TSGA10: variants seen among roughly 807,000 people sequenced by gnomAD.
TSGA10 encodes testis specific 10, also known as testis-specific gene 10 protein.
In TSGA10, 43 loss-of-function variants were observed where a neutral mutation model predicts 96.6. That is an observed-to-expected ratio of 0.44 (90% CI 0.35 to 0.57). TSGA10 has a LOEUF of 0.57. Among genes scored for constraint, TSGA10 ranks in the 20% least tolerant of loss-of-function variants. The probability of loss-of-function intolerance (pLI) is 0.01; values close to 1 mark genes in which losing one functional copy is unlikely to be tolerated. For synonymous variants in TSGA10, 229 were observed against 269.9 expected (o/e 0.85, Z 1.48); for missense variants, 703 against 834.4 (o/e 0.84, Z 1.94).
In TSGA10 at chr2:99,109,441, T is replaced by C; in HGVS notation, c.-2A>G. ...ACTTTTAGACCTACTTCGCATCATC[T>C]TTCTCAAATGTTGAGCTTCACTCTT... is the stretch of plus-strand genomic sequence containing the variant. On this transcript the variant is annotated 5_prime_UTR_variant, in exon 6 of 21. Transcript: ENST00000393483. The C allele has an allele frequency of 6.2e-7, 1 of 1,613,954 alleles. No homozygotes were observed. The highest frequency in any genetic ancestry group is 1.3e-5 in the African/African-American group (1 of 75,062).
rs2092347813 is a variant in TSGA10, at chr2:99,117,613, T to C, written c.-209A>G. ...TTTTCTCTTTTTCGAGTTGCTCTGC[T>C]AGTTGGTCAATTTTAATCAATTCTT... On this transcript the variant is annotated 5_prime_UTR_variant, in exon 4 of 21. Coordinates refer to ENST00000393483, the MANE Select transcript of TSGA10 (RefSeq NM_025244.4). 1 of 985,772 alleles carries C rather than the reference T, an allele frequency of 1.0e-6. No homozygotes were observed. The highest frequency in any genetic ancestry group is 1.2e-6 in the Non-Finnish European group (1 of 829,944). The allele number at this position is 985,772 out of a possible 1,614,324, so 61.1% of individuals were successfully genotyped here. A position where few individuals can be genotyped will look rare whatever the true frequency, so the allele number is the denominator to read the frequency against.
intron 1 of TSGA10, chr2:99,142,189 A>T (rs114951816): frequency 6.6e-6 from 1 of 152,246 alleles, no homozygotes; most frequent in African/African-American, 2.4e-5. Context: ...GGGGGAAAAA[A>T]GTCTTCTTAA....
chr2:99,004,003 C>T (rs2078229262), intron 20 of TSGA10, among the ~76,000 whole-genome samples: 1 of 152,096 alleles, frequency 6.6e-6, no homozygotes, highest in African/African-American at 2.4e-5. Flanking sequence ...ATCAATGAAT[C>T]CAGGAGCTGG....
At chr2:99,035,090 C>A (rs2081503444) in intron 17 of TSGA10, 140 bp downstream of exon 17, 1 of 612,468 alleles carries the variant, frequency 1.6e-6, no homozygotes, top group African/African-American at 1.9e-5. Context: ...CATAAACTAA[C>A]CTCTTGGATT....
In TSGA10 at chr2:99,071,865, A is replaced by G. The variant is rs2104515800; in HGVS notation, c.948T>C (p.Thr316=). Residue 316 remains threonine (T), a synonymous_variant, in exon 14 of 21, where the codon ACT becomes ACC. Transcript: ENST00000393483. ...CTTGTTCACACACAATTAGGGCCTC[A>G]GTACACTGTCTATTCCACAAATCAA... ...AEMEQASRQC[T]EALIVCEQDV... 3 of 1,613,094 alleles carry G rather than the reference A, an allele frequency of 1.9e-6. No individual in the cohort carries two copies. The East Asian group carries it at 6.7e-5, about 36-fold the overall frequency.
chr2:99,117,490 A>G, intron 4 of TSGA10, 54 bp downstream of exon 4: 1 of 864,766 alleles, frequency 1.2e-6, no homozygotes, highest in South Asian at 5.3e-5. Context: ...GCATTTAAAA[A>G]TTACATGATG....
chr2:99,042,106 T>C (rs1223572480), intron 16 of TSGA10, among the ~76,000 whole-genome samples: 1 of 150,574 alleles, frequency 6.6e-6, no homozygotes, highest in Admixed American at 6.7e-5. Flanking sequence ...GCAGTGGTAC[T>C]GTCTCGGCTC....
chr2:99,043,328 A>T (rs1213352146), intron 16 of TSGA10, among the ~76,000 whole-genome samples: 1 of 152,162 alleles, frequency 6.6e-6, no homozygotes, highest in African/African-American at 2.4e-5. Flanking sequence ...ATTGATGAAG[A>T]TTATGCAATT....
chr2:99,031,871 T>A (rs143375168), intron 17 of TSGA10, among the ~76,000 whole-genome samples: 1 of 152,348 alleles, frequency 6.6e-6, no homozygotes, highest in East Asian at 1.9e-4. Context: ...TAAAGGAATC[T>A]AATGCCTGAT....
intron 14 of TSGA10, 79 bp from the exon 15 acceptor site, chr2:99,069,077 T>C: frequency 1.6e-6 from 1 of 622,934 alleles, no homozygotes; most frequent in Non-Finnish European, 2.6e-6. Flanking sequence ...AACAAATTTT[T>C]AAACACTTGG....
At chr2:99,059,078 T>TATATA (rs2084351134) in intron 16 of TSGA10, among the ~76,000 whole-genome samples, 4 of 140,594 alleles carry the variant, frequency 2.8e-5, no homozygotes, top group Admixed American at 1.4e-4. Flanking sequence ...ATTTATATAT[T>TATATA]TTTATATATA....
chr2:99,125,200 T>C (rs188485243), intron 2 of TSGA10: 6 of 152,316 alleles, frequency 3.9e-5, no homozygotes, highest in Admixed American at 2.6e-4. Context: ...CATGGCTACG[T>C]AGCTCATTTT....
Position 99,064,961 on chromosome 2 carries a change from G to A in TSGA10, c.1382C>T (p.Ser461Phe). ...TACTTGCTCAACCTCTCTGTTGAGG[G>A]AATCTACTTTTTCTTTTAATCTGTT... Reference protein sequence around the residue: ...EGNRLKEKVDSLNREVEQHLN... With the variant: ...EGNRLKEKVDFLNREVEQHLN... Residue 461 changes from serine (S) to phenylalanine (F), a missense_variant, in exon 16 of 21, where the codon TCC becomes TTC. Physicochemically the swap from Ser to Phe is radical, Grantham distance 155 (BLOSUM62 -2). Coordinates refer to ENST00000393483, the MANE Select transcript of TSGA10 (RefSeq NM_025244.4). 6.2e-7 allele frequency: 1 copy of A among 1,600,264 alleles called. No individual in the cohort carries two copies. The highest frequency in any genetic ancestry group is 8.5e-7 in the Non-Finnish European group (1 of 1,175,090).
intron 16 of TSGA10, among the ~76,000 whole-genome samples, chr2:99,056,371 A>G (rs191400805): frequency 7.2e-5 from 11 of 152,312 alleles, no homozygotes; most frequent in Non-Finnish European, 1.0e-4. Flanking sequence ...TACATACTGC[A>G]TTAGTAGTAA....
intron 16 of TSGA10, among the ~76,000 whole-genome samples, chr2:99,055,986 G>A (rs1358203120): frequency 6.6e-6 from 1 of 151,862 alleles, no homozygotes; most frequent in Non-Finnish European, 1.5e-5. Context: ...GGTGAATCAC[G>A]AGGTCAGGAG....
chr2:99,086,427 C>T (rs1327497451), intron 10 of TSGA10, among the ~76,000 whole-genome samples: 1 of 152,162 alleles, frequency 6.6e-6, no homozygotes, highest in Non-Finnish European at 1.5e-5. Flanking sequence ...GGTTGGTTTA[C>T]AATTTGAAAA....
intron 10 of TSGA10, among the ~76,000 whole-genome samples, chr2:99,098,798 A>G (rs2090381578): frequency 6.6e-6 from 1 of 152,166 alleles, no homozygotes; most frequent in Non-Finnish European, 1.5e-5. Flanking sequence ...GCTTACATAT[A>G]TATACTAACT....
Position 98,997,989 on chromosome 2 carries a change from AG to A in TSGA10, c.*207del. The A allele has an allele frequency of 2.0e-6, 1 of 492,390 alleles. No individual in the cohort carries two copies. The highest frequency in any genetic ancestry group is 3.6e-6 in the Non-Finnish European group (1 of 279,680). The allele number at this position is 492,390 out of a possible 1,614,324, so 30.5% of individuals were successfully genotyped here. A position where few individuals can be genotyped will look rare whatever the true frequency, so the allele number is the denominator to read the frequency against. On this transcript the variant is annotated 3_prime_UTR_variant, in exon 21 of 21. Transcript: ENST00000393483. ...TTACACTCACTATCACTGCATGGAT[AG>A]AAAGAGCCATATACATTTTTGTTTT...
chr2:99,018,106 A>G (rs761217099), intron 20 of TSGA10, 94 bp downstream of exon 20: 305 of 1,272,180 alleles, frequency 2.4e-4, no homozygotes, highest in Non-Finnish European at 3.1e-4. Context: ...TCACTATTAA[A>G]GATAGACTAT....
Sources: allele counts gnomAD v4.1 joint callset (sites outside exome capture counted in the v4.1 genomes callset), GRCh38; gene constraint gnomAD v4.1.1; transcripts MANE v1.5; gene names NCBI Gene and HGNC (gene_info 2026-07-23, HGNC 2026-07-21).